PATJ: variants seen among roughly 807,000 people sequenced by gnomAD.
The protein encoded by PATJ is PATJ crumbs cell polarity complex component.
Under a neutral mutation model 224.9 loss-of-function variants are expected in PATJ, and 190 were observed. The observed-to-expected ratio is 0.84, with a 90% confidence interval of 0.75 to 0.95. PATJ has a LOEUF of 0.95. Ranked by LOEUF, PATJ falls within the 40% of genes least tolerant of loss-of-function variation. PATJ has a pLI of 0.00. For synonymous variants in PATJ, 769 were observed against 820.3 expected (o/e 0.94, Z 1.07); for missense variants, 2,121 against 2,270.3 (o/e 0.93, Z 1.34).
chr1:62,065,495 C>A (rs918239312), intron 31 of PATJ, among the ~76,000 whole-genome samples: 1 of 152,124 alleles, frequency 6.6e-6, no homozygotes, highest in Non-Finnish European at 1.5e-5. Context: ...GCCTGTAATT[C>A]CAGCTACTCG....
At chr1:62,095,499 C>T (rs1661290300) in intron 33 of PATJ, among the ~76,000 whole-genome samples, 1 of 152,190 alleles carries the variant, frequency 6.6e-6, no homozygotes, top group African/African-American at 2.4e-5. Flanking sequence ...AATGCATTGA[C>T]ATATAAGCAT....
At chr1:62,058,455 T>C (rs974027525) in intron 31 of PATJ, among the ~76,000 whole-genome samples, 7 of 152,204 alleles carry the variant, frequency 4.6e-5, no homozygotes, top group African/African-American at 1.7e-4. Context: ...GAACACTTGC[T>C]TTTCCAGATG....
intron 43 of PATJ, among the ~76,000 whole-genome samples, chr1:62,158,980 A>G (rs1669576252): frequency 6.6e-6 from 1 of 152,172 alleles, no homozygotes; most frequent in South Asian, 2.1e-4. Flanking sequence ...TCCTTGCATT[A>G]CTAAAAAAGA....
At chr1:62,106,136 A>ATGTGTGTGTG (rs1662964149) in intron 33 of PATJ, among the ~76,000 whole-genome samples, 1 of 72,788 alleles carries the variant, frequency 1.4e-5, no homozygotes, top group Non-Finnish European at 2.8e-5. Flanking sequence ...ACATATATAC[A>ATGTGTGTGTG]TGTGTATATG....
chr1:62,056,912 C>T (rs1057148367), intron 31 of PATJ, among the ~76,000 whole-genome samples: 11 of 152,138 alleles, frequency 7.2e-5, no homozygotes, highest in African/African-American at 2.7e-4. Flanking sequence ...CTGCAACCTC[C>T]ACCTCTGGGG....
intron 21 of PATJ, 82 bp downstream of exon 21, chr1:61,875,448 C>A: frequency 9.1e-7 from 1 of 1,095,388 alleles, no homozygotes; most frequent in Non-Finnish European, 1.3e-6. Context: ...ATGAATTTCA[C>A]CGTCATATTT....
intron 29 of PATJ, among the ~76,000 whole-genome samples, chr1:62,027,086 C>T (rs1002501353): frequency 4.6e-5 from 7 of 152,180 alleles, no homozygotes; most frequent in African/African-American, 1.7e-4. Flanking sequence ...ATTTCATCTT[C>T]CCAAACTGAA....
intron 21 of PATJ, among the ~76,000 whole-genome samples, chr1:61,876,374 A>G (rs367639089): frequency 3.1e-4 from 47 of 152,292 alleles, no homozygotes; most frequent in African/African-American, 1.1e-3. Flanking sequence ...AAAACTCTCC[A>G]GGTATATTGC....
intron 1 of PATJ, among the ~76,000 whole-genome samples, chr1:61,748,222 G>A (rs914960752): frequency 5.9e-5 from 8 of 136,288 alleles, no homozygotes; most frequent in Non-Finnish European, 1.1e-4. Flanking sequence ...CACTTACACT[G>A]CTATGTGTAT....
chr1:61,848,540 G>A (rs1662329449), intron 17 of PATJ, among the ~76,000 whole-genome samples: 1 of 151,764 alleles, frequency 6.6e-6, no homozygotes, highest in Non-Finnish European at 1.5e-5. Context: ...TCCTCCTTTT[G>A]CCTACCTCCA....
intron 28 of PATJ, among the ~76,000 whole-genome samples, chr1:62,001,501 G>A (rs920469243): frequency 3.0e-4 from 45 of 150,172 alleles, no homozygotes; most frequent in Non-Finnish European, 6.2e-4. Flanking sequence ...GATAGTTGTA[G>A]ATATGCGGCG....
intron 23 of PATJ, among the ~76,000 whole-genome samples, chr1:61,899,977 T>C (rs1043363502): frequency 6.6e-6 from 1 of 152,232 alleles, no homozygotes; most frequent in Non-Finnish European, 1.5e-5. Context: ...CTTTCTTTTC[T>C]GGTAAACAAC....
At chr1:62,095,987 C>T (rs892111341) in intron 33 of PATJ, among the ~76,000 whole-genome samples, 11 of 152,194 alleles carry the variant, frequency 7.2e-5, no homozygotes, top group Admixed American at 3.3e-4. Context: ...CACATACTCT[C>T]TCAATGAAGC....
intron 27 of PATJ, among the ~76,000 whole-genome samples, chr1:61,986,541 T>A (rs114079784): frequency 0.013 from 1,912 of 152,138 alleles, 72 homozygotes; most frequent in African/African-American, 0.044. Flanking sequence ...CGCCTCAACC[T>A]CCAGAGCAGC....
At chr1:61,773,808 A>G (rs1646757143) in intron 6 of PATJ, among the ~76,000 whole-genome samples, 1 of 150,214 alleles carries the variant, frequency 6.7e-6, no homozygotes, top group Non-Finnish European at 1.5e-5. Flanking sequence ...CAAAAAACAA[A>G]AAAAAACACC....
chr1:61,852,400 A>G (rs1662972621), intron 17 of PATJ: 1 of 152,206 alleles, frequency 6.6e-6, no homozygotes, highest in Non-Finnish European at 1.5e-5. Context: ...AAGAAATATT[A>G]GAGATTTTAC....
At chr1:62,144,990 C>T (rs1161949758) in intron 41 of PATJ, among the ~76,000 whole-genome samples, 1 of 151,828 alleles carries the variant, frequency 6.6e-6, no homozygotes, top group Non-Finnish European at 1.5e-5. Context: ...TTCTTTTGTA[C>T]TTTTAGTAGA....
chr1:62,042,893 C>T (rs1651786870), intron 30 of PATJ, among the ~76,000 whole-genome samples: 2 of 152,180 alleles, frequency 1.3e-5, no homozygotes, highest in Non-Finnish European at 2.9e-5. Flanking sequence ...GCAGTCCTCT[C>T]ACCTCAGCCT....
chr1:62,159,172 A>G (rs1435575605), intron 43 of PATJ, among the ~76,000 whole-genome samples: 6 of 152,104 alleles, frequency 3.9e-5, no homozygotes, highest in African/African-American at 1.2e-4. Flanking sequence ...ACTTTCTTAA[A>G]AGATTTGAGT....
Sources: allele counts gnomAD v4.1 joint callset (sites outside exome capture counted in the v4.1 genomes callset), GRCh38; gene constraint gnomAD v4.1.1; transcripts MANE v1.5; gene names NCBI Gene and HGNC (gene_info 2026-07-23, HGNC 2026-07-21).